The following H2BC12 variants were observed in gnomAD, a reference collection of about 807,000 sequenced individuals.
The protein encoded by H2BC12 is histone H2B type 1-K.
H2BC12 carries 6 observed loss-of-function variants against 6.3 expected under a neutral mutation model. The ratio of observed to expected loss-of-function variants is 0.95; its 90% CI spans 0.52 to 1.87. The LOEUF is 1.87. H2BC12 is among the 40% of genes most tolerant of loss of function. The pLI is 0.01. For missense variants in H2BC12, 119 were observed against 178.4 expected, an observed-to-expected ratio of 0.67 and a Z score of 1.90; for synonymous variants, 132 against 78.5, an observed-to-expected ratio of 1.68 and a Z score of -3.60.
chr6:27,145,315 C>A (rs1169895284), downstream of H2BC12, among the ~76,000 whole-genome samples: 1 of 150,226 alleles, frequency 6.7e-6, no homozygotes. Context: ...CACACACACA[C>A]ACACACACAC....
the H2BC12 span, chr6:27,139,762 T>A: frequency 5.2e-6 from 7 of 1,340,772 alleles, no homozygotes; most frequent in Non-Finnish European, 6.0e-6. Context: ...TTTTACAAGA[T>A]TAACTCGACG....
downstream of H2BC12, among the ~76,000 whole-genome samples, chr6:27,145,833 T>C (rs1760067940): frequency 6.6e-6 from 1 of 152,138 alleles, no homozygotes; most frequent in South Asian, 2.1e-4. Flanking sequence ...CTATCCTGCC[T>C]GGTGGTCTGG....
At chr6:27,142,632 C>G (rs1360018905), downstream of H2BC12, among the ~76,000 whole-genome samples, 2 of 125,840 alleles carry the variant, frequency 1.6e-5, no homozygotes, top group Non-Finnish European at 3.2e-5. Flanking sequence ...ACATTCCCCC[C>G]CTCCTTTTTT....
At chr6:27,139,519 G>A in the H2BC12 span, 1 of 1,614,200 alleles carries the variant, frequency 6.2e-7, no homozygotes, top group Non-Finnish European at 8.5e-7. Context: ...CCGGGACGCC[G>A]TGACCTACAC....
At chr6:27,143,115 G>A (rs1054416736), downstream of H2BC12, among the ~76,000 whole-genome samples, 1 of 151,752 alleles carries the variant, frequency 6.6e-6, no homozygotes, top group Non-Finnish European at 1.5e-5. Context: ...ACTTTGGGAG[G>A]CCAAGGCAGG....
In H2BC12 at chr6:27,146,377, G is replaced by A; in HGVS notation, c.*41C>T. ...TCGATAATTTAAGTGGCTCTTAAAA[G>A]AGCCTTTGGGGTTGGGCTTTAAGAC... On this transcript the variant is annotated 3_prime_UTR_variant, in exon 1 of 1. Transcript: ENST00000356950. 3.1e-6 allele frequency: 5 copies of A among 1,612,464 alleles called. No homozygotes were observed. The highest frequency in any genetic ancestry group is 3.4e-6 in the Non-Finnish European group (4 of 1,179,472).
At chr6:27,144,618 AAAG>A (rs1760048198), downstream of H2BC12, among the ~76,000 whole-genome samples, 1 of 152,094 alleles carries the variant, frequency 6.6e-6, no homozygotes, top group Non-Finnish European at 1.5e-5. Context: ...AATTTTGTAA[AAAG>A]AGCAAAAAGG....
the H2BC12 span, chr6:27,138,848 T>C: frequency 6.6e-6 from 1 of 152,622 alleles, no homozygotes; most frequent in African/African-American, 2.4e-5. Context: ...GAAAAGAACT[T>C]AGCAATATAC....
chr6:27,143,903 C>CT (rs1254154515), downstream of H2BC12, among the ~76,000 whole-genome samples: 1 of 145,280 alleles, frequency 6.9e-6, no homozygotes, highest in Non-Finnish European at 1.5e-5. Flanking sequence ...GCACATTCAA[C>CT]TTTTTAACAA....
At chr6:27,143,349 CAA>C (rs935778179), downstream of H2BC12, among the ~76,000 whole-genome samples, 3 of 147,672 alleles carry the variant, frequency 2.0e-5, no homozygotes, top group South Asian at 2.1e-4. Context: ...AAGACTGTCT[CAA>C]AAAAAAGAAA....
downstream of H2BC12, chr6:27,146,304 C>G: frequency 1.3e-6 from 2 of 1,521,994 alleles, no homozygotes; most frequent in Middle Eastern, 1.8e-4. Context: ...TTAAAAAGAT[C>G]GCCCGAATTT....
chr6:27,139,038 T>C, the H2BC12 span: 4 of 373,066 alleles, frequency 1.1e-5, no homozygotes, highest in Non-Finnish European at 1.9e-5. Context: ...GCTTTATGTA[T>C]CTTCTATAAT....
At chr6:27,141,335 A>T in the H2BC12 span, among the ~76,000 whole-genome samples, 1 of 152,172 alleles carries the variant, frequency 6.6e-6, no homozygotes, top group African/African-American at 2.4e-5. Context: ...ATTATCTCGT[A>T]TCTCATATTC....
downstream of H2BC12, among the ~76,000 whole-genome samples, chr6:27,143,573 T>G (rs1418434016): frequency 2.0e-5 from 3 of 151,304 alleles, no homozygotes; most frequent in Non-Finnish European, 4.4e-5. Flanking sequence ...GCCATTTTCT[T>G]AGGTCCACTG....
At chr6:27,145,412 T>C (rs1321227532), downstream of H2BC12, among the ~76,000 whole-genome samples, 3 of 152,002 alleles carry the variant, frequency 2.0e-5, no homozygotes, top group African/African-American at 4.8e-5. Flanking sequence ...TTAAAATTCG[T>C]GGACTCTTTC....
downstream of H2BC12, chr6:27,146,355 A>T: frequency 1.2e-6 from 2 of 1,607,610 alleles, no homozygotes; most frequent in Non-Finnish European, 1.7e-6. Context: ...TCTAATATCG[A>T]TAATTTAAGT....
the H2BC12 span, chr6:27,139,784 C>T: frequency 2.5e-6 from 3 of 1,196,202 alleles, no homozygotes; most frequent in East Asian, 5.2e-5. Flanking sequence ...CGAAAATGGG[C>T]TGATGACTAC....
downstream of H2BC12, chr6:27,146,278 G>A (rs561025600): frequency 8.6e-6 from 12 of 1,396,176 alleles, no homozygotes; most frequent in South Asian, 4.1e-5. Context: ...AGTGTGATAA[G>A]ATCATGATAA....
In H2BC12 at chr6:27,146,394, C is replaced by T. The variant is rs1760081658; in HGVS notation, c.*24G>A. The T allele has an allele frequency of 2.5e-6, 4 of 1,614,144 alleles. No individual in the cohort carries two copies. Among genetic ancestry groups the T allele is most frequent in the Middle Eastern group, 1.6e-4 (1 of 6,062 alleles). The stretch of plus-strand genomic sequence containing the variant: ...TCTTAAAAGAGCCTTTGGGGTTGGG[C>T]TTTAAGACGCTTACTTGGCAAGTTT... On this transcript the variant is annotated 3_prime_UTR_variant, in exon 1 of 1. Transcript: ENST00000356950.
Sources: allele counts gnomAD v4.1 joint callset (sites outside exome capture counted in the v4.1 genomes callset), GRCh38; gene constraint gnomAD v4.1.1; transcripts MANE v1.5; gene names NCBI Gene and HGNC (gene_info 2026-07-23, HGNC 2026-07-21).